Variants in PDGFD observed in about 807,000 individuals in gnomAD.
PDGFD encodes platelet-derived growth factor D.
Under a neutral mutation model 44.7 loss-of-function variants are expected in PDGFD, and 30 were observed. The ratio of observed to expected loss-of-function variants is 0.67; its 90% CI spans 0.50 to 0.91. PDGFD has a LOEUF of 0.91. PDGFD is among the 40% of genes least tolerant of loss of function. The pLI is 0.00. For missense variants in PDGFD, 445 were observed against 457.8 expected (o/e 0.97, Z 0.25); for synonymous variants, 173 against 168.4 (o/e 1.03, Z -0.21).
intron 1 of PDGFD, among the ~76,000 whole-genome samples, chr11:104,060,727 A>G (rs1200300235): frequency 6.6e-6 from 1 of 152,160 alleles, no homozygotes; most frequent in Non-Finnish European, 1.5e-5. Context: ...CGTCTCCCAT[A>G]TGGTGCTTCT....
intron 3 of PDGFD, among the ~76,000 whole-genome samples, chr11:103,970,162 TG>T (rs1859082062): frequency 6.6e-6 from 1 of 152,126 alleles, no homozygotes; most frequent in African/African-American, 2.4e-5. Flanking sequence ...ATGGAAATGA[TG>T]GTATTACATT....
At chr11:104,118,680 T>C (rs1376983250) in intron 1 of PDGFD, among the ~76,000 whole-genome samples, 2 of 141,592 alleles carry the variant, frequency 1.4e-5, no homozygotes, top group South Asian at 2.1e-4. Flanking sequence ...TTTAATGCTA[T>C]ACTCACCTCC....
intron 1 of PDGFD, among the ~76,000 whole-genome samples, chr11:104,125,185 T>C (rs1297133109): frequency 6.6e-6 from 1 of 152,108 alleles, no homozygotes; most frequent in Non-Finnish European, 1.5e-5. Flanking sequence ...GGTTAGAAAA[T>C]GTGTCTCCTT....
Position 103,959,569 on chromosome 11 carries a change from C to T in PDGFD, c.511-11845G>A, listed in dbSNP as rs1281771759. Among the ~76,000 whole-genome samples the T allele has an allele frequency of 2.6e-5, 4 of 152,294 alleles. No homozygotes were observed. In the East Asian group the frequency reaches 7.7e-4, roughly 29 times the overall value. On this transcript the variant is annotated intron_variant, in intron 3 of 6. Coordinates refer to ENST00000393158, the MANE Select transcript of PDGFD (RefSeq NM_025208.5). ...TAGCAACTAACTAAGGCAGCTGGCA[C>T]ATTTTGGATCTCCAAAGCAGGCTTG... is the stretch of plus-strand genomic sequence containing the variant.
At position 103,907,262 on chromosome 11, in the gene PDGFD, G is replaced by C. The variant is rs1244252275; in HGVS notation, c.*2432C>G. ...ACATTCGCTATAGAAAATGCTATGA[G>C]AGGAAAAAGCTGCATGTTACCGATA... On this transcript the variant is annotated 3_prime_UTR_variant, in exon 7 of 7. Transcript: ENST00000393158. 6.6e-6 allele frequency: 1 copy of C among 152,028 alleles called. No individual in the cohort carries two copies. 9.4% of individuals were successfully genotyped at this position (152,028 alleles called of 1,614,324 possible).
chr11:104,141,394 A>G (rs912708834), intron 1 of PDGFD, among the ~76,000 whole-genome samples: 1 of 135,584 alleles, frequency 7.4e-6, no homozygotes, highest in African/African-American at 3.2e-5. Context: ...CAGAGATTTA[A>G]TTTAATTTTT....
chr11:103,912,317 C>A (rs1404350057), intron 6 of PDGFD, among the ~76,000 whole-genome samples: 1 of 152,186 alleles, frequency 6.6e-6, no homozygotes, highest in Non-Finnish European at 1.5e-5. Flanking sequence ...AGAGTGAGGG[C>A]CAATATTCCA....
chr11:104,078,149 C>G (rs1355782789), intron 1 of PDGFD, among the ~76,000 whole-genome samples: 2 of 152,198 alleles, frequency 1.3e-5, no homozygotes, highest in African/African-American at 2.4e-5. Context: ...CAGGTCTGCA[C>G]TCATCAGCCA....
chr11:104,037,734 A>G, intron 1 of PDGFD: 2 of 1,614,136 alleles, frequency 1.2e-6, no homozygotes, highest in Non-Finnish European at 1.7e-6. Flanking sequence ...GTGTTCATCT[A>G]GCTCAGATTC....
At chr11:103,935,884 C>T (rs1033750554) in intron 5 of PDGFD, among the ~76,000 whole-genome samples, 42 of 152,178 alleles carry the variant, frequency 2.8e-4, no homozygotes, top group African/African-American at 9.9e-4. Context: ...TAAGTGACTT[C>T]TCCAAGGCCA....
intron 6 of PDGFD, among the ~76,000 whole-genome samples, chr11:103,912,266 C>A (rs961697716): frequency 1.2e-4 from 18 of 152,322 alleles, no homozygotes; most frequent in South Asian, 8.3e-4. Flanking sequence ...GCCAATCAGA[C>A]TAACAGCGGA....
intron 1 of PDGFD, among the ~76,000 whole-genome samples, chr11:104,154,748 G>A (rs1862283837): frequency 6.6e-6 from 1 of 152,154 alleles, no homozygotes; most frequent in Non-Finnish European, 1.5e-5. Context: ...GTGCAAAAAA[G>A]AGGTACCAAG....
intron 1 of PDGFD, among the ~76,000 whole-genome samples, chr11:104,057,147 C>G (rs1860632947): frequency 6.6e-6 from 1 of 152,122 alleles, no homozygotes; most frequent in Non-Finnish European, 1.5e-5. Context: ...AAAAAATAAA[C>G]ACCCCACAAG....
chr11:104,090,939 C>A (rs1178817745), intron 1 of PDGFD, among the ~76,000 whole-genome samples: 1 of 152,030 alleles, frequency 6.6e-6, no homozygotes, highest in Admixed American at 6.5e-5. Flanking sequence ...TCTACTATAG[C>A]TCTAAAACAG....
At chr11:103,983,314 T>C (rs930317708) in intron 3 of PDGFD, among the ~76,000 whole-genome samples, 2 of 151,764 alleles carry the variant, frequency 1.3e-5, no homozygotes, top group Non-Finnish European at 2.9e-5. Flanking sequence ...AAATAGGCAA[T>C]GGGGAAAGGA....
chr11:103,914,376 A>G (rs1390663472), intron 6 of PDGFD, among the ~76,000 whole-genome samples: 1 of 152,126 alleles, frequency 6.6e-6, no homozygotes, highest in Non-Finnish European at 1.5e-5. Context: ...CAAAACACAT[A>G]CACCCTCTCA....
chr11:104,062,427 C>T (rs778324086), intron 1 of PDGFD, among the ~76,000 whole-genome samples: 4 of 152,164 alleles, frequency 2.6e-5, no homozygotes, highest in Non-Finnish European at 5.9e-5. Flanking sequence ...TTTCTGAACT[C>T]GAAGTATGTG....
chr11:103,981,206 G>C (rs1859267250), intron 3 of PDGFD, among the ~76,000 whole-genome samples: 2 of 151,458 alleles, frequency 1.3e-5, no homozygotes, highest in Admixed American at 1.3e-4. Flanking sequence ...AAAAAGTCAG[G>C]TTGGCTCTTT....
chr11:104,163,955 G>C lies in PDGFD; in HGVS notation c.-28C>G. 1 of 1,503,890 alleles carries C rather than the reference G, an allele frequency of 6.6e-7. No homozygotes were observed. Among genetic ancestry groups the C allele is most frequent in the Admixed American group, 1.9e-5 (1 of 52,168 alleles). 93.2% of individuals were successfully genotyped at this position (1,503,890 alleles called of 1,614,324 possible). On this transcript the variant is annotated 5_prime_UTR_variant, in exon 1 of 7. Transcript: ENST00000393158. ...GGGATCAGCGACTAGAGACAGCGTC[G>C]CTCCAAGAAAAAGCCGGGTTCTGCT...
Sources: allele counts gnomAD v4.1 joint callset (sites outside exome capture counted in the v4.1 genomes callset), GRCh38; gene constraint gnomAD v4.1.1; transcripts MANE v1.5; gene names NCBI Gene and HGNC (gene_info 2026-07-23, HGNC 2026-07-21).